Variants in TMEM117 observed in about 807,000 individuals in gnomAD.
TMEM117 encodes transmembrane protein 117.
A neutral mutation model predicts 52.4 loss-of-function variants in TMEM117; 27 were observed. The observed-to-expected ratio is 0.51, with a 90% CI of 0.38 to 0.71. TMEM117 has a LOEUF of 0.71. TMEM117 is among the 30% of genes least tolerant of loss of function. TMEM117 has a pLI of 0.00. For missense variants in TMEM117, 556 were observed against 630.5 expected (o/e 0.88, Z 1.26); for synonymous variants, 215 against 206.3 (o/e 1.04, Z -0.36).
upstream of TMEM117, among the ~76,000 whole-genome samples, chr12:43,834,400 T>C (rs1943000993): frequency 6.6e-6 from 1 of 152,168 alleles, no homozygotes; most frequent in African/African-American, 2.4e-5. Flanking sequence ...AAGGATACAA[T>C]CATGAGTAAG....
chr12:44,020,300 G>T (rs1946436966), intron 3 of TMEM117, among the ~76,000 whole-genome samples: 1 of 152,158 alleles, frequency 6.6e-6, no homozygotes, highest in South Asian at 2.1e-4. Context: ...TATCTGACAA[G>T]GGTCAGCATT....
At chr12:43,865,547 A>C (rs1166523143) in intron 2 of TMEM117, among the ~76,000 whole-genome samples, 2 of 151,908 alleles carry the variant, frequency 1.3e-5, no homozygotes, top group African/African-American at 4.8e-5. Context: ...AAATACAAAA[A>C]TTAGCCGGGC....
intron 3 of TMEM117, among the ~76,000 whole-genome samples, chr12:43,984,489 A>T (rs1945814245): frequency 6.6e-6 from 1 of 152,216 alleles, no homozygotes; most frequent in African/African-American, 2.4e-5. Flanking sequence ...TGTTTTCATC[A>T]GATGAACACC....
At chr12:44,052,536 C>T (rs1166899306) in intron 3 of TMEM117, among the ~76,000 whole-genome samples, 1 of 151,688 alleles carries the variant, frequency 6.6e-6, no homozygotes, top group African/African-American at 2.4e-5. Context: ...TGCTGGGAAT[C>T]TCTCTCCTGA....
At chr12:43,898,943 C>T (rs934214493) in intron 2 of TMEM117, among the ~76,000 whole-genome samples, 2 of 152,130 alleles carry the variant, frequency 1.3e-5, no homozygotes, top group Non-Finnish European at 2.9e-5. Flanking sequence ...AGAAAGACAG[C>T]GGTCATTTTC....
chr12:44,296,032 C>G (rs537301787), intron 5 of TMEM117, among the ~76,000 whole-genome samples: 1 of 152,304 alleles, frequency 6.6e-6, no homozygotes, highest in South Asian at 2.1e-4. Context: ...GGTTTTGGGA[C>G]CACAGTCGAC....
chr12:44,145,235 A>C lies in TMEM117; in HGVS notation c.510+1611A>C, dbSNP rs1261494569. Among the ~76,000 whole-genome samples, 5 of 152,182 alleles carry C rather than the reference A, an allele frequency of 3.3e-5. No individual in the cohort carries two copies. The South Asian group carries it at 6.2e-4, about 19-fold the overall frequency. ...GGAGGAGATACATAAACTTTGAAAAACGTAACTTCCTTGAAATTTGAGGGG... is the reference window on the plus strand; with the variant it reads ...GGAGGAGATACATAAACTTTGAAAACCGTAACTTCCTTGAAATTTGAGGGG... On this transcript the variant is annotated intron_variant, in intron 4 of 7. Coordinates refer to ENST00000266534, the MANE Select transcript of TMEM117 (RefSeq NM_032256.3).
At chr12:43,912,104 C>T (rs1394761327) in intron 2 of TMEM117, among the ~76,000 whole-genome samples, 1 of 149,484 alleles carries the variant, frequency 6.7e-6, no homozygotes. Flanking sequence ...ACCCAAATAT[C>T]CAACAACGAT....
In TMEM117 at chr12:44,388,574, C is replaced by G. The variant is rs1691202392; in HGVS notation, c.1447C>G (p.Leu483Val). Residue 483 changes from leucine (L) to valine (V), a missense_variant, in exon 8 of 8, where the codon CTA becomes GTA. Leu to Val is a conservative substitution (Grantham distance 32). Around this residue, in one of 3 missense-constraint regions of TMEM117, gnomAD observed 206 missense variants for 211.1 expected, o/e 0.98. Coordinates refer to ENST00000266534, the MANE Select transcript of TMEM117 (RefSeq NM_032256.3). ...FNEIVYKSSH[L>V]TSENLSSQLN... ...TGAGATCGTCTACAAGTCTTCCCAC[C>G]TAACCTCGGAAAACTTGAGCTCACA... 6.2e-7 allele frequency: 1 copy of G among 1,613,360 alleles called. No individual in the cohort carries two copies. Among genetic ancestry groups the G allele is most frequent in the Non-Finnish European group, 8.5e-7 (1 of 1,179,604 alleles).
chr12:43,801,690 G>A, the TMEM117 span, among the ~76,000 whole-genome samples: 1 of 152,046 alleles, frequency 6.6e-6, no homozygotes, highest in African/African-American at 2.4e-5. Context: ...CTCAGGGCCA[G>A]GCAGTTTCCT....
intron 3 of TMEM117, among the ~76,000 whole-genome samples, chr12:44,135,808 T>C (rs571361402): frequency 6.6e-6 from 1 of 152,340 alleles, no homozygotes; most frequent in Middle Eastern, 3.4e-3. Context: ...TTAATTATTG[T>C]ATTTATGTCC....
chr12:44,369,134 A>G (rs1260102637), intron 6 of TMEM117, among the ~76,000 whole-genome samples: 2 of 152,142 alleles, frequency 1.3e-5, no homozygotes, highest in Non-Finnish European at 2.9e-5. Context: ...CTGATTTTCC[A>G]TTATTCCTAG....
intron 3 of TMEM117, among the ~76,000 whole-genome samples, chr12:44,079,084 G>T (rs1947435196): frequency 6.6e-6 from 1 of 152,054 alleles, no homozygotes; most frequent in Admixed American, 6.6e-5. Context: ...TGGTGTATAT[G>T]TGCCACATTT....
intron 2 of TMEM117, among the ~76,000 whole-genome samples, chr12:43,874,853 A>G (rs1265918854): frequency 6.6e-6 from 1 of 152,208 alleles, no homozygotes; most frequent in African/African-American, 2.4e-5. Flanking sequence ...ATGCACTGAA[A>G]TCCTTCATTT....
At chr12:44,049,517 A>G (rs1946934944) in intron 3 of TMEM117, among the ~76,000 whole-genome samples, 1 of 151,438 alleles carries the variant, frequency 6.6e-6, no homozygotes, top group African/African-American at 2.4e-5. Context: ...CACATTCTGC[A>G]TGTGTATCCC....
At chr12:43,826,943 C>T in the TMEM117 span, among the ~76,000 whole-genome samples, 2 of 151,734 alleles carry the variant, frequency 1.3e-5, no homozygotes, top group African/African-American at 4.8e-5. Context: ...GGTTGGTTGA[C>T]GATGCAATGA....
chr12:44,347,255 C>T (rs1951500635), intron 6 of TMEM117, among the ~76,000 whole-genome samples: 1 of 152,026 alleles, frequency 6.6e-6, no homozygotes, highest in South Asian at 2.1e-4. Flanking sequence ...ACTTCAAATG[C>T]CATGCATTTT....
At chr12:43,875,202 T>C (rs1592325091) in intron 2 of TMEM117, among the ~76,000 whole-genome samples, 1 of 146,184 alleles carries the variant, frequency 6.8e-6, no homozygotes, top group Admixed American at 7.2e-5. Flanking sequence ...GACAGGGGGT[T>C]GAAAAGAATG....
At chr12:44,165,089 C>T (rs1055233722) in intron 4 of TMEM117, among the ~76,000 whole-genome samples, 9 of 152,190 alleles carry the variant, frequency 5.9e-5, no homozygotes, top group Non-Finnish European at 1.3e-4. Context: ...GCCTTCACCC[C>T]ACACTCTTCT....
Sources: allele counts gnomAD v4.1 joint callset (sites outside exome capture counted in the v4.1 genomes callset), GRCh38; gene constraint gnomAD v4.1.1; regional missense constraint gnomAD v4.1.1; transcripts MANE v1.5; gene names NCBI Gene and HGNC (gene_info 2026-07-23, HGNC 2026-07-21).